Variants in ATP2B4 observed in about 807,000 individuals in gnomAD.
The protein encoded by ATP2B4 is plasma membrane calcium-transporting ATPase 4.
ATP2B4 carries 39 observed loss-of-function variants against 110.3 expected under a neutral mutation model. The ratio of observed to expected loss-of-function variants is 0.35; its 90% CI spans 0.27 to 0.46. The LOEUF (loss-of-function observed/expected upper bound fraction) is 0.46, where lower values mean the gene tolerates loss of function less well. ATP2B4 is among the 20% of genes least tolerant of loss of function. The pLI is 1.00. For synonymous variants in ATP2B4, 538 were observed against 571.7 expected (o/e 0.94, Z 0.84); for missense variants, 1,135 against 1,530.9 (o/e 0.74, Z 4.32).
At chr1:203,677,966 G>A (rs1664877590) in intron 1 of ATP2B4, among the ~76,000 whole-genome samples, 1 of 152,224 alleles carries the variant, frequency 6.6e-6, no homozygotes, top group Admixed American at 6.5e-5. Context: ...GTAGGGCAGG[G>A]CAGGGAAGTG....
intron 13 of ATP2B4, among the ~76,000 whole-genome samples, chr1:203,712,495 G>T (rs1186933230): frequency 1.3e-5 from 2 of 151,936 alleles, no homozygotes; most frequent in Non-Finnish European, 2.9e-5. Flanking sequence ...GGAGGCTGAG[G>T]CAGGAGAATC....
At chr1:203,637,868 G>A (rs1379404094) in intron 1 of ATP2B4, among the ~76,000 whole-genome samples, 2 of 152,188 alleles carry the variant, frequency 1.3e-5, no homozygotes, top group African/African-American at 2.4e-5. Context: ...AAGAAAGGAG[G>A]AAATGGAAAT....
Position 203,683,097 on chromosome 1 carries a change from G to C in ATP2B4, c.-109G>C. On this transcript the variant is annotated 5_prime_UTR_variant, in exon 2 of 21. Coordinates refer to ENST00000357681, the MANE Select transcript of ATP2B4 (RefSeq NM_001684.5). ...AATCTATTCCCTCACTGGGCCCCCA[G>C]AGAAGCAAGAAGTAGGAAGAAGTTG... The C allele has an allele frequency of 7.6e-7, 1 of 1,316,420 alleles. No homozygotes were observed. Among genetic ancestry groups the C allele is most frequent in the Non-Finnish European group, 1.0e-6 (1 of 957,210 alleles). 81.5% of individuals were successfully genotyped at this position (1,316,420 alleles called of 1,614,324 possible).
intron 1 of ATP2B4, among the ~76,000 whole-genome samples, chr1:203,661,161 G>T (rs1664327544): frequency 6.6e-6 from 1 of 151,706 alleles, no homozygotes; most frequent in South Asian, 2.1e-4. Flanking sequence ...CTGGGATTTG[G>T]GCTGTCTGTC....
At chr1:203,679,129 C>T (rs937638715) in intron 1 of ATP2B4, among the ~76,000 whole-genome samples, 2 of 151,910 alleles carry the variant, frequency 1.3e-5, no homozygotes, top group Non-Finnish European at 2.9e-5. Context: ...TGCCCCAAGC[C>T]GAATGACTAA....
At chr1:203,675,836 G>A (rs1405923654) in intron 1 of ATP2B4, among the ~76,000 whole-genome samples, 3 of 152,052 alleles carry the variant, frequency 2.0e-5, no homozygotes, top group Non-Finnish European at 1.5e-5. Flanking sequence ...AAAAGGATGT[G>A]GGCTTTCCTT....
chr1:203,639,744 A>G (rs10793748), intron 1 of ATP2B4, among the ~76,000 whole-genome samples: 96,813 of 151,970 alleles, frequency 0.64, 30,981 homozygotes, highest in Middle Eastern at 0.69. Flanking sequence ...TTGGCCTCCC[A>G]GTGTTACCTG....
intron 10 of ATP2B4, among the ~76,000 whole-genome samples, chr1:203,708,907 A>T (rs1184128504): frequency 6.6e-6 from 1 of 152,158 alleles, no homozygotes; most frequent in Non-Finnish European, 1.5e-5. Flanking sequence ...CTGTAATCCC[A>T]ACATTTTGGG....
intron 8 of ATP2B4, among the ~76,000 whole-genome samples, chr1:203,704,871 G>A (rs921069369): frequency 6.6e-6 from 1 of 152,086 alleles, no homozygotes; most frequent in Non-Finnish European, 1.5e-5. Context: ...TTATACAGCT[G>A]TATACAACTT....
At position 203,724,878 on chromosome 1, in the gene ATP2B4, T is replaced by G. The variant is rs946806424; in HGVS notation, c.3132+890T>G. 8.4e-5 allele frequency among the ~76,000 whole-genome samples: 12 copies of G among 143,002 alleles called. 1 individual carries two copies. The highest frequency in any genetic ancestry group is 1.1e-4 in the Non-Finnish European group (7 of 65,562). The allele number at this position is 143,002 out of a possible 152,430, so 93.8% of individuals were successfully genotyped here. On this transcript the variant is annotated intron_variant, in intron 19 of 20. Coordinates refer to ENST00000357681, the MANE Select transcript of ATP2B4 (RefSeq NM_001684.5). ...GAATCCAGCTCTCTGTTTTTTTTTT[T>G]TTTTTTTTTTTTTTCTGAGACAGAG...
chr1:203,683,363 A>G lies in ATP2B4; in HGVS notation c.158A>G (p.Asn53Ser). The stretch of plus-strand genomic sequence containing the variant: ...AATGTCCACTATGGAGGTGTACAGA[A>G]TCTCTGCAGTAGACTGAAAACCTCC... ...QINVHYGGVQNLCSRLKTSPV... is the reference protein window; with the variant it reads ...QINVHYGGVQSLCSRLKTSPV... The change falls in exon 2 of 21, where the codon AAT (asparagine) becomes AGT (serine). Residue 53 changes from asparagine to serine, a missense_variant. Coordinates refer to ENST00000357681, the MANE Select transcript of ATP2B4 (RefSeq NM_001684.5). 6.2e-7 allele frequency: 1 copy of G among 1,613,892 alleles called. No homozygotes were observed. The highest frequency in any genetic ancestry group is 8.5e-7 in the Non-Finnish European group (1 of 1,179,884).
intron 14 of ATP2B4, among the ~76,000 whole-genome samples, chr1:203,713,665 A>T (rs975506581): frequency 2.0e-5 from 3 of 152,080 alleles, no homozygotes; most frequent in African/African-American, 7.2e-5. Flanking sequence ...AGGTTTCACC[A>T]TGTTGACCAG....
intron 1 of ATP2B4, among the ~76,000 whole-genome samples, chr1:203,672,322 CTCTTT>C (rs1664690759): frequency 3.9e-5 from 3 of 76,884 alleles, no homozygotes; most frequent in African/African-American, 1.5e-4. Flanking sequence ...GTTGCGGTGG[CTCTTT>C]TTTTTTTTTT....
intron 2 of ATP2B4, among the ~76,000 whole-genome samples, chr1:203,686,887 G>GT (rs1465036084): frequency 1.3e-5 from 2 of 150,398 alleles, no homozygotes; most frequent in Non-Finnish European, 3.0e-5. Flanking sequence ...TAGAGACGGG[G>GT]TTTCATCATG....
intron 2 of ATP2B4, among the ~76,000 whole-genome samples, chr1:203,695,302 C>A (rs537315213): frequency 1.3e-5 from 2 of 152,350 alleles, no homozygotes; most frequent in East Asian, 3.9e-4. Context: ...GGAGAAAGGA[C>A]CAGCAAGGCC....
At chr1:203,632,901 A>G (rs1452018488) in intron 1 of ATP2B4, among the ~76,000 whole-genome samples, 1 of 151,998 alleles carries the variant, frequency 6.6e-6, no homozygotes, top group Non-Finnish European at 1.5e-5. Flanking sequence ...GGAAGGGGAA[A>G]AAGAATCTTT....
chr1:203,687,517 A>G (rs539671167), intron 2 of ATP2B4, among the ~76,000 whole-genome samples: 1 of 152,338 alleles, frequency 6.6e-6, no homozygotes, highest in East Asian at 1.9e-4. Flanking sequence ...TAATAAGAAT[A>G]AAGAAATGTA....
chr1:203,722,736 G>A (rs1177910655), intron 18 of ATP2B4, 47 bp downstream of exon 18: 18 of 1,582,876 alleles, frequency 1.1e-5, no homozygotes, highest in Non-Finnish European at 1.6e-5. Flanking sequence ...AATGATAAAG[G>A]GCAGAAGCTG....
intron 1 of ATP2B4, among the ~76,000 whole-genome samples, chr1:203,678,171 G>C (rs1248821664): frequency 6.6e-6 from 1 of 152,134 alleles, no homozygotes; most frequent in East Asian, 1.9e-4. Context: ...GGAGACTCAG[G>C]GGGTGAGTTC....
Sources: gnomAD v4.1 joint callset for allele counts (sites outside exome capture counted in the v4.1 genomes callset) on GRCh38, gnomAD v4.1.1 for gene constraint, MANE v1.5 for transcripts, NCBI Gene and HGNC (gene_info 2026-07-23, HGNC 2026-07-21) for gene names.